SFI1: variants seen among roughly 807,000 people sequenced by gnomAD.
The protein encoded by SFI1 is protein SFI1 homolog.
Under a neutral mutation model 207.5 loss-of-function variants are expected in SFI1, and 195 were observed. The ratio of observed to expected loss-of-function variants is 0.94; its 90% confidence interval spans 0.84 to 1.06. The LOEUF is 1.06. SFI1 is among the 50% of genes least tolerant of loss of function. The pLI is 0.00. For synonymous variants in SFI1, 630 were observed against 598.9 expected (o/e 1.05, Z -0.76); for missense variants, 1,634 against 1,588.0 (o/e 1.03, Z -0.49).
At chr22:31,568,179 GTGTGTGTGTGTGTGT>G (rs1345159775) in intron 8 of SFI1, among the ~76,000 whole-genome samples, 9 of 119,662 alleles carry the variant, frequency 7.5e-5, no homozygotes, top group Admixed American at 3.5e-4. Flanking sequence ...GTGTGTGTGT[GTGTGTGTGTGTGTGT>G]TGTGTGTGTG....
intron 2 of SFI1, among the ~76,000 whole-genome samples, chr22:31,517,508 A>G (rs113214385): frequency 0.012 from 1,873 of 152,276 alleles, 50 homozygotes; most frequent in African/African-American, 0.043. Context: ...TTGGCCTCCC[A>G]AAGTGCTGGG....
At chr22:31,539,186 C>T (rs1329127064) in intron 4 of SFI1, among the ~76,000 whole-genome samples, 2 of 152,162 alleles carry the variant, frequency 1.3e-5, no homozygotes, top group Non-Finnish European at 1.5e-5. Context: ...CCACCCAGTC[C>T]AAGCCATCAG....
intron 27 of SFI1, 52 bp downstream of exon 27, chr22:31,613,907 G>A: frequency 1.3e-6 from 2 of 1,530,242 alleles, no homozygotes; most frequent in Non-Finnish European, 1.8e-6. Context: ...GCAAAAGGTT[G>A]GATGGCATAG....
intron 24 of SFI1, chr22:31,612,396 AAAATATATATATATATATAT>A (rs916699582): frequency 2.1e-5 from 2 of 95,758 alleles, no homozygotes; most frequent in Non-Finnish European, 4.1e-5. Context: ...AAAAAAAAAA[AAAATATATATATATATATAT>A]ATATATATAT....
chr22:31,557,575 C>T (rs753105220), intron 7 of SFI1, among the ~76,000 whole-genome samples: 6 of 152,162 alleles, frequency 3.9e-5, no homozygotes, highest in Non-Finnish European at 8.8e-5. Context: ...TTCACATAAT[C>T]ATAATTAACA....
chr22:31,511,552 C>T (rs889420189), intron 2 of SFI1, among the ~76,000 whole-genome samples: 1 of 146,324 alleles, frequency 6.8e-6, no homozygotes, highest in East Asian at 2.3e-4. Context: ...ACTGCAACCT[C>T]TGCCTCCCAG....
chr22:31,571,479 A>T (rs1569342111), intron 8 of SFI1, among the ~76,000 whole-genome samples: 3 of 142,324 alleles, frequency 2.1e-5, no homozygotes, highest in South Asian at 2.2e-4. Context: ...TGCCTGGCTA[A>T]TTTTTTTTTT....
chr22:31,575,092 GT>G, intron 9 of SFI1, 138 bp from the exon 10 acceptor site: 13 of 205,438 alleles, frequency 6.3e-5, no homozygotes, highest in African/African-American at 2.0e-4. Flanking sequence ...GTGCGTGTGT[GT>G]GTGTGTGTGT....
chr22:31,564,305 C>G (rs1324029992), intron 8 of SFI1, among the ~76,000 whole-genome samples: 2 of 140,274 alleles, frequency 1.4e-5, no homozygotes, highest in African/African-American at 5.4e-5. Flanking sequence ...CCAGCCTGGG[C>G]GACAGAGCAA....
chr22:31,543,688 TA>T (rs1201063429), intron 4 of SFI1, among the ~76,000 whole-genome samples: 1 of 151,648 alleles, frequency 6.6e-6, no homozygotes, highest in African/African-American at 2.4e-5. Context: ...CACACGCCTG[TA>T]GTCCCAGCTA....
At chr22:31,611,931 CTA>C in intron 24 of SFI1, 91 bp downstream of exon 24, 2 of 1,538,668 alleles carry the variant, frequency 1.3e-6, no homozygotes, top group Non-Finnish European at 1.8e-6. Flanking sequence ...GCCTACACCT[CTA>C]GTTCAGTATT....
intron 7 of SFI1, among the ~76,000 whole-genome samples, chr22:31,558,194 T>C (rs1397928621): frequency 3.9e-5 from 6 of 152,172 alleles, no homozygotes; most frequent in African/African-American, 1.4e-4. Flanking sequence ...TATTTAACAG[T>C]GTCCAGAAAA....
At chr22:31,520,119 G>T (rs1251663870) in intron 2 of SFI1, among the ~76,000 whole-genome samples, 1 of 151,248 alleles carries the variant, frequency 6.6e-6, no homozygotes, top group Non-Finnish European at 1.5e-5. Context: ...CATGAAACAA[G>T]TGGGTGCCCT....
At chr22:31,519,337 C>T (rs189023509) in intron 2 of SFI1, among the ~76,000 whole-genome samples, 1 of 149,534 alleles carries the variant, frequency 6.7e-6, no homozygotes, top group East Asian at 2.0e-4. Context: ...GTGGCATGAT[C>T]ATAGCTCACT....
chr22:31,514,682 G>A (rs1045461142), intron 2 of SFI1, among the ~76,000 whole-genome samples: 1 of 151,722 alleles, frequency 6.6e-6, no homozygotes, highest in African/African-American at 2.4e-5. Flanking sequence ...GTGAGAACAG[G>A]TCATATTTGT....
At chr22:31,587,278 A>G (rs1466080243) in intron 14 of SFI1, 2 of 345,608 alleles carry the variant, frequency 5.8e-6, no homozygotes, top group Non-Finnish European at 1.2e-5. Context: ...AGGACTGTGT[A>G]GGTTATATGC....
At chr22:31,613,239 C>A in intron 25 of SFI1, 23 bp downstream of exon 25, 1 of 1,613,278 alleles carries the variant, frequency 6.2e-7, no homozygotes, top group Non-Finnish European at 8.5e-7. Context: ...CTGCATCCTA[C>A]CATCCCTGCC....
At chr22:31,564,897 T>A (rs769243433) in intron 8 of SFI1, among the ~76,000 whole-genome samples, 1 of 144,132 alleles carries the variant, frequency 6.9e-6, no homozygotes, top group Non-Finnish European at 1.5e-5. Context: ...CACTGCAAGC[T>A]CCGCCTCCCG....
At chr22:31,520,840 A>G (rs1005358163) in intron 2 of SFI1, among the ~76,000 whole-genome samples, 1 of 134,892 alleles carries the variant, frequency 7.4e-6, no homozygotes, top group Non-Finnish European at 1.6e-5. Flanking sequence ...TACAAAAAGT[A>G]AAAAAAAAAA....
Sources: allele counts gnomAD v4.1 joint callset (sites outside exome capture counted in the v4.1 genomes callset), GRCh38; gene constraint gnomAD v4.1.1; transcripts MANE v1.5; gene names NCBI Gene and HGNC (gene_info 2026-07-23, HGNC 2026-07-21).